GOLIM4: variants seen among roughly 807,000 people sequenced by gnomAD.
GOLIM4 encodes golgi integral membrane protein 4, also known as 130 kDa golgi-localized phosphoprotein.
In GOLIM4, 71 loss-of-function variants were observed where a neutral mutation model predicts 107.4. The observed-to-expected ratio is 0.66, with a 90% CI of 0.55 to 0.81. The LOEUF (loss-of-function observed/expected upper bound fraction) is 0.81. GOLIM4 is among the 30% of genes least tolerant of loss of function. The pLI is 0.00. For synonymous variants in GOLIM4, 327 were observed against 294.8 expected (o/e 1.11, Z -1.12); for missense variants, 830 against 826.1 (o/e 1.00, Z -0.06).
chr3:168,051,926 C>T (rs950446932), intron 1 of GOLIM4, among the ~76,000 whole-genome samples: 1 of 151,402 alleles, frequency 6.6e-6, no homozygotes, highest in Non-Finnish European at 1.5e-5. Flanking sequence ...CTGAAGAAAC[C>T]ACATCAGGTA....
chr3:168,043,447 A>C lies in GOLIM4; in HGVS notation c.449T>G (p.Phe150Cys), dbSNP rs1359998174. Residue 150 changes from phenylalanine to cysteine, a missense_variant, in exon 5 of 16, where the codon TTT (phenylalanine) becomes TGT (cysteine). By Grantham distance (205) the Phe-to-Cys change is radical (BLOSUM62 -2). Transcript: ENST00000470487. ...CAAGTATTTTTGCTTATGGTCATTA[A>C]ATGTTCTACTGAAGTCTTCCCCTTG... ...RKQGEDFSRTFNDHKQKYLQL... is the reference protein window; with the variant it reads ...RKQGEDFSRTCNDHKQKYLQL... 4 of 1,613,048 alleles carry C rather than the reference A, an allele frequency of 2.5e-6. No individual in the cohort carries two copies. The highest frequency in any genetic ancestry group is 3.4e-6 in the Non-Finnish European group (4 of 1,179,272).
intron 14 of GOLIM4, among the ~76,000 whole-genome samples, chr3:168,011,703 G>C (rs9870134): frequency 0.017 from 2,452 of 141,508 alleles, 36 homozygotes; most frequent in Non-Finnish European, 0.021. Context: ...ATCTGAGAAC[G>C]GGCAGACTGC....
chr3:168,038,766 G>C (rs749636036), intron 7 of GOLIM4, among the ~76,000 whole-genome samples: 1 of 152,162 alleles, frequency 6.6e-6, no homozygotes, highest in Non-Finnish European at 1.5e-5. Context: ...TCTTAATACA[G>C]TATTACAGAC....
At position 168,068,034 on chromosome 3, in the gene GOLIM4, T is replaced by A. The variant is rs542815351; in HGVS notation, c.188-19669A>T. Among the ~76,000 whole-genome samples, 50 of 152,168 alleles carry A rather than the reference T, an allele frequency of 3.3e-4. No individual in the cohort carries two copies. The South Asian group carries it at 9.8e-3, about 30-fold the overall frequency. On this transcript the variant is annotated intron_variant, in intron 1 of 15. Transcript: ENST00000470487. The stretch of plus-strand genomic sequence containing the variant: ...GTTTCACTAGGAATATACAAAATAA[T>A]TTTACACATTTTTAACTTCAGAACT...
chr3:168,053,621 C>T (rs985190526), intron 1 of GOLIM4, among the ~76,000 whole-genome samples: 3 of 152,166 alleles, frequency 2.0e-5, no homozygotes, highest in Non-Finnish European at 4.4e-5. Flanking sequence ...ACGTCTCAGA[C>T]TTCAATACTT....
chr3:168,032,943 C>A, intron 8 of GOLIM4, 91 bp from the exon 9 acceptor site: 1 of 939,524 alleles, frequency 1.1e-6, no homozygotes, highest in Non-Finnish European at 1.6e-6. Flanking sequence ...GGGCATGGGG[C>A]TACAACAGAA....
intron 1 of GOLIM4, among the ~76,000 whole-genome samples, chr3:168,066,834 C>A (rs768635270): frequency 1.1e-4 from 16 of 152,122 alleles, no homozygotes; most frequent in African/African-American, 3.1e-4. Context: ...CATTAACTTA[C>A]AAAACATTAA....
rs1165237514 is a variant in GOLIM4 at position 168,015,156 on chromosome 3, A to C, written c.1861-4333T>G. Among the ~76,000 whole-genome samples the C allele has an allele frequency of 5.4e-5, 8 of 146,914 alleles. No homozygotes were observed. In the East Asian group the frequency reaches 1.6e-3, roughly 29 times the overall value. Reference sequence around the variant, plus strand: ...CTAGAAAACCCCACTGTCTCAGCCCAAAATCTCCTTAAGCTGATAAGCAAC... The same window carrying C: ...CTAGAAAACCCCACTGTCTCAGCCCCAAATCTCCTTAAGCTGATAAGCAAC... On this transcript the variant is annotated intron_variant, in intron 14 of 15. Transcript: ENST00000470487.
intron 3 of GOLIM4, among the ~76,000 whole-genome samples, chr3:168,046,655 A>C (rs930014508): frequency 6.6e-6 from 1 of 152,262 alleles, no homozygotes; most frequent in Admixed American, 6.5e-5. Context: ...TAAATCTTAC[A>C]TTCTATAAAA....
intron 1 of GOLIM4, among the ~76,000 whole-genome samples, chr3:168,084,080 T>A (rs940882456): frequency 2.0e-5 from 3 of 152,134 alleles, no homozygotes; most frequent in Admixed American, 6.6e-5. Context: ...GGTGACTGGA[T>A]CATCGGGGTG....
At chr3:168,060,829 A>G (rs1362884975) in intron 1 of GOLIM4, among the ~76,000 whole-genome samples, 1 of 152,184 alleles carries the variant, frequency 6.6e-6, no homozygotes, top group African/African-American at 2.4e-5. Flanking sequence ...AGTTTTGTCA[A>G]TACTATGTTT....
chr3:168,095,007 A>T, intron 1 of GOLIM4, 92 bp downstream of exon 1: 1 of 940,608 alleles, frequency 1.1e-6, no homozygotes, highest in Non-Finnish European at 1.6e-6. Context: ...TGGCAACCAC[A>T]GTGCCAATAG....
chr3:168,036,425 C>G (rs1718655530), intron 8 of GOLIM4, among the ~76,000 whole-genome samples: 1 of 152,210 alleles, frequency 6.6e-6, no homozygotes, highest in Non-Finnish European at 1.5e-5. Context: ...CCTATAATCC[C>G]AGCTACTCGG....
chr3:168,088,574 C>A (rs1560112529), intron 1 of GOLIM4, among the ~76,000 whole-genome samples: 1 of 152,192 alleles, frequency 6.6e-6, no homozygotes, highest in Non-Finnish European at 1.5e-5. Flanking sequence ...TGCACTGAAA[C>A]CACATCTGAT....
intron 14 of GOLIM4, among the ~76,000 whole-genome samples, chr3:168,021,615 G>A (rs1374954774): frequency 1.3e-5 from 2 of 151,960 alleles, no homozygotes; most frequent in Non-Finnish European, 2.9e-5. Context: ...GCAGTGAGCC[G>A]AGATCACCTC....
At chr3:168,070,162 G>C (rs1472298199) in intron 1 of GOLIM4, among the ~76,000 whole-genome samples, 1 of 152,186 alleles carries the variant, frequency 6.6e-6, no homozygotes. Flanking sequence ...GGGAGGCCTA[G>C]GTGGGCGGAT....
At chr3:168,051,921 G>A (rs1374523008) in intron 1 of GOLIM4, among the ~76,000 whole-genome samples, 1 of 151,556 alleles carries the variant, frequency 6.6e-6, no homozygotes, top group Non-Finnish European at 1.5e-5. Context: ...ATAGGCTGAA[G>A]AAACCACATC....
rs766785759 is a variant in GOLIM4, at chr3:168,024,591, C to T, written c.1795G>A (p.Ala599Thr). 6.2e-7 allele frequency: 1 copy of T among 1,612,828 alleles called. No homozygotes were observed. The highest frequency in any genetic ancestry group is 1.1e-5 in the South Asian group (1 of 91,060). The change falls in exon 14 of 16, where the codon GCA becomes ACA. Residue 599 changes from alanine (A) to threonine (T), a missense_variant. Transcript: ENST00000470487. The stretch of plus-strand genomic sequence containing the variant: ...TCCTCCTGCTGGTCTGGATTTCCTG[C>T]CATCTGTTGGAAACAAAAGGGCAGG... ...NTEVEEHLVMAGNPDQQEDNV... is the reference protein window; with the variant it reads ...NTEVEEHLVMTGNPDQQEDNV...
rs758624025 is a variant in GOLIM4, at chr3:168,010,264, T to TGTCTAGAAAGA, written c.*4_*5insTCTTTCTAGAC. On this transcript the variant is annotated 3_prime_UTR_variant, in exon 16 of 16. Coordinates refer to ENST00000470487, the MANE Select transcript of GOLIM4 (RefSeq NM_014498.5). ...GGCTGAGCGTTGTCTAGAAATTGGGTGCCGCTACATTTCAGCTCTTCGATG... is the reference window on the plus strand; with the variant it reads ...GGCTGAGCGTTGTCTAGAAATTGGGTGTCTAGAAAGAGCCGCTACATTTCAGCTCTTCGATG... 30 of 1,608,236 alleles carry TGTCTAGAAAGA rather than the reference T, an allele frequency of 1.9e-5. No homozygotes were observed. The Admixed American group carries it at 5.1e-4, about 27-fold the overall frequency.
Sources: allele counts gnomAD v4.1 joint callset (sites outside exome capture counted in the v4.1 genomes callset), GRCh38; gene constraint gnomAD v4.1.1; transcripts MANE v1.5; gene names NCBI Gene and HGNC (gene_info 2026-07-23, HGNC 2026-07-21).